Variants in NDUFS7 observed in about 807,000 individuals in gnomAD.
NDUFS7 encodes NADH:ubiquinone oxidoreductase core subunit S7.
Under a neutral mutation model 31.1 loss-of-function variants are expected in NDUFS7, and 11 were observed. The observed-to-expected ratio is 0.35, with a 90% CI of 0.22 to 0.59. The LOEUF is 0.59. Ranked by LOEUF, NDUFS7 falls within the 20% of genes least tolerant of loss-of-function variation. The probability of loss-of-function intolerance (pLI) is 0.79; values close to 1 mark genes in which losing one functional copy is unlikely to be tolerated. For missense variants in NDUFS7, 263 were observed against 324.2 expected (o/e 0.81, Z 1.45); for synonymous variants, 136 against 127.9 (o/e 1.06, Z -0.43).
chr19:1,394,561 C>T lies in NDUFS7; in HGVS notation c.545-830C>T, dbSNP rs1416343137. 101 of 1,249,236 alleles carry T rather than the reference C, an allele frequency of 8.1e-5. No homozygotes were observed. In the African/African-American group the frequency reaches 1.4e-3, roughly 18 times the overall value. 77.4% of individuals were successfully genotyped at this position (1,249,236 alleles called of 1,614,324 possible). ...CGCGCTCCTCCCTCCCTGGGGACCG[C>T]GCTCCTCCCTCCCTGCGGACCGCGC... On this transcript the variant is annotated intron_variant, in intron 7 of 7. Transcript: ENST00000233627.
chr19:1,389,153 G>T (rs750928676), intron 4 of NDUFS7: 1 of 700,170 alleles, frequency 1.4e-6, no homozygotes, highest in East Asian at 2.7e-5. Context: ...ATGCACACTC[G>T]CACACATGCA....
chr19:1,386,102 G>A (rs997426754), intron 1 of NDUFS7, among the ~76,000 whole-genome samples: 6 of 152,182 alleles, frequency 3.9e-5, no homozygotes, highest in South Asian at 2.1e-4. Flanking sequence ...CAGCAACCCC[G>A]GATGAGGCTA....
rs563513689 is a variant in NDUFS7 at position 1,388,437 on chromosome 19, G to A, written c.54-88G>A. 3,452 of 1,208,878 alleles carry A rather than the reference G, an allele frequency of 2.9e-3. 10 individuals carry two copies. The highest frequency in any genetic ancestry group is 3.3e-3 in the Non-Finnish European group (2,752 of 827,450). The allele number at this position is 1,208,878 out of a possible 1,614,324, so 74.9% of individuals were successfully genotyped here. A position where few individuals can be genotyped will look rare whatever the true frequency, so the allele number is the denominator to read the frequency against. On this transcript the variant is annotated intron_variant, in intron 2 of 7. Transcript: ENST00000233627. ...GAGGTGAGAACAGTCTCGCAGCAGG[G>A]AGGGGAGAGGCAGGACAACAGTGAG...
chr19:1,393,216 C>T lies in NDUFS7; in HGVS notation c.456-26C>T. ...GGTGGGCAGGCGGGTCTTCGGCACA[C>T]TCCCCTCACGGTGCCTCCCCAACAG... On this transcript the variant is annotated intron_variant, in intron 6 of 7. Transcript: ENST00000233627. This position sits in a 1 kb window ranked among gnomAD's most constrained non-coding sequence, Gnocchi z 7.3. The T allele has an allele frequency of 1.9e-6, 3 of 1,543,472 alleles. No individual in the cohort carries two copies. The highest frequency in any genetic ancestry group is 2.4e-5 in the East Asian group (1 of 40,986).
At position 1,387,794 on chromosome 19, in the gene NDUFS7, C is replaced by G; in HGVS notation, c.17-17C>G. On this transcript the variant is annotated splice_polypyrimidine_tract_variant and intron_variant, in intron 1 of 7. Coordinates refer to ENST00000233627, the MANE Select transcript of NDUFS7 (RefSeq NM_024407.5). ...TGCCCGCAGCTCACTGTTCCCACCC[C>G]GTGGTCCTCTCTGCAGCTCCTGGCC... The G allele has an allele frequency of 1.2e-6, 2 of 1,611,118 alleles. No individual in the cohort carries two copies. The highest frequency in any genetic ancestry group is 8.5e-7 in the Non-Finnish European group (1 of 1,179,800).
intron 4 of NDUFS7, 112 bp from the exon 5 acceptor site, chr19:1,390,759 C>A: frequency 7.6e-7 from 1 of 1,313,354 alleles, no homozygotes; most frequent in South Asian, 1.3e-5. Context: ...TCACCTCTGC[C>A]GGCTGCCGCC....
intron 7 of NDUFS7, chr19:1,394,326 A>C: frequency 7.8e-7 from 1 of 1,278,774 alleles, no homozygotes; most frequent in South Asian, 1.2e-5. Context: ...TCCTGGGGTC[A>C]GGAGCTCTGC....
intron 1 of NDUFS7, among the ~76,000 whole-genome samples, chr19:1,387,551 C>T (rs975941947): frequency 5.9e-5 from 9 of 152,212 alleles, no homozygotes; most frequent in African/African-American, 2.2e-4. Context: ...CGCAGGAAAG[C>T]GGCAGGTGCC....
At position 1,393,399 on chromosome 19, in the gene NDUFS7, C is replaced by A. The variant is rs866726513; in HGVS notation, c.544+69C>A. On this transcript the variant is annotated intron_variant, in intron 7 of 7. Transcript: ENST00000233627. This position sits in a 1 kb window ranked among gnomAD's most constrained non-coding sequence, Gnocchi z 7.3. Reference sequence around the variant, plus strand: ...GCCAGCGCCACACGGAGCCCGGCGGCCCCTGTGAGGGAGTCCCACACCCCC... The same window carrying A: ...GCCAGCGCCACACGGAGCCCGGCGGACCCTGTGAGGGAGTCCCACACCCCC... The A allele has an allele frequency of 1.6e-5, 22 of 1,382,400 alleles. No homozygotes were observed. The Middle Eastern group carries it at 3.7e-3, about 232-fold the overall frequency. The allele number at this position is 1,382,400 out of a possible 1,614,324, so 85.6% of individuals were successfully genotyped here. A position where few individuals can be genotyped will look rare whatever the true frequency, so the allele number is the denominator to read the frequency against.
Position 1,393,041 on chromosome 19 carries a change from A to T in NDUFS7, c.456-201A>T, listed in dbSNP as rs2082567871. The T allele has an allele frequency of 1.6e-6, 1 of 607,198 alleles. No homozygotes were observed. Among genetic ancestry groups the T allele is most frequent in the African/African-American group, 1.8e-5 (1 of 54,296 alleles). 37.6% of individuals were successfully genotyped at this position (607,198 alleles called of 1,614,324 possible). A position where few individuals can be genotyped will look rare whatever the true frequency, so the allele number is the denominator to read the frequency against. On this transcript the variant is annotated intron_variant, in intron 6 of 7. Coordinates refer to ENST00000233627, the MANE Select transcript of NDUFS7 (RefSeq NM_024407.5). The surrounding 1 kb of genome is among the most constrained non-coding windows in gnomAD (Gnocchi z 7.3). ...AGCACTTTTCCCCGAGTTATCAGCC[A>T]CGTGTGAGCTTGCGCCCCACTGGTC...
chr19:1,387,985 G>A (rs1369100651), intron 2 of NDUFS7, 138 bp downstream of exon 2: 7 of 821,592 alleles, frequency 8.5e-6, no homozygotes, highest in Non-Finnish European at 1.4e-5. Context: ...GCAGGTGACG[G>A]TCTGCACGCT....
chr19:1,391,494 T>C (rs2144621227), intron 6 of NDUFS7, among the ~76,000 whole-genome samples: 1 of 150,334 alleles, frequency 6.7e-6, no homozygotes, highest in Admixed American at 6.6e-5. Flanking sequence ...TTCTTTTTTT[T>C]TTTTTTTTTG....
chr19:1,384,287 C>A, intron 1 of NDUFS7: 2 of 368,694 alleles, frequency 5.4e-6, no homozygotes, highest in Admixed American at 5.0e-5. Context: ...GAGAGCGGGG[C>A]CTGCCTGACA....
chr19:1,389,186 C>T (rs778569986), intron 4 of NDUFS7: 1 of 692,634 alleles, frequency 1.4e-6, no homozygotes, highest in African/African-American at 1.8e-5. Context: ...CATGCACACA[C>T]AAGCACATGT....
rs1380852598 is a variant in NDUFS7 at position 1,384,019 on chromosome 19, C to T, written c.16+77C>T. 8.8e-6 allele frequency: 13 copies of T among 1,477,870 alleles called. No homozygotes were observed. In the East Asian group the frequency reaches 2.4e-4, roughly 27 times the overall value. 91.5% of individuals were successfully genotyped at this position (1,477,870 alleles called of 1,614,324 possible). A position where few individuals can be genotyped will look rare whatever the true frequency, so the allele number is the denominator to read the frequency against. On this transcript the variant is annotated intron_variant, in intron 1 of 7. Transcript: ENST00000233627. ...GGAGCCTCGGGTGTCGTGGTGGCGTCGGGGGTCGGTGCCGGCGTCGTGGCC... is the reference window on the plus strand; with the variant it reads ...GGAGCCTCGGGTGTCGTGGTGGCGTTGGGGGTCGGTGCCGGCGTCGTGGCC...
chr19:1,388,464 GC>G (rs2082524472), intron 2 of NDUFS7, 60 bp from the exon 3 acceptor site: 1 of 1,473,534 alleles, frequency 6.8e-7, no homozygotes, highest in Non-Finnish European at 9.4e-7. Flanking sequence ...AACAGTGAGT[GC>G]GGCTGGGGGA....
intron 1 of NDUFS7, 59 bp from the exon 2 acceptor site, chr19:1,387,752 A>C: frequency 6.5e-7 from 1 of 1,543,280 alleles, no homozygotes; most frequent in Non-Finnish European, 8.9e-7. Flanking sequence ...AAGCGCCTGG[A>C]GGCCGGCCCT....
At chr19:1,389,364 C>T (rs1181782865) in intron 4 of NDUFS7, 2 of 470,068 alleles carry the variant, frequency 4.3e-6, no homozygotes, top group Non-Finnish European at 8.5e-6. Context: ...TGGACACATG[C>T]ATGTGTGCCT....
chr19:1,387,697 G>GTTA, intron 1 of NDUFS7, 114 bp from the exon 2 acceptor site: 1 of 929,168 alleles, frequency 1.1e-6, no homozygotes. Context: ...AGTGGCACTC[G>GTTA]AGTTGGGATC....
Sources: gnomAD v4.1 joint callset for allele counts (sites outside exome capture counted in the v4.1 genomes callset) on GRCh38, gnomAD v4.1.1 for gene constraint, Gnocchi (gnomAD v3.1) non-coding constraint, MANE v1.5 for transcripts, NCBI Gene and HGNC (gene_info 2026-07-23, HGNC 2026-07-21) for gene names.